The following IARS1 variants were observed in gnomAD, a reference collection of about 807,000 sequenced individuals.
IARS1 encodes isoleucyl-tRNA synthetase 1.
A neutral mutation model predicts 168.2 loss-of-function variants in IARS1; 124 were observed. That is an observed-to-expected ratio of 0.74 (90% CI 0.64 to 0.86). The LOEUF (loss-of-function observed/expected upper bound fraction) is 0.86, where lower values mean the gene tolerates loss of function less well. IARS1 is among the 40% of genes least tolerant of loss of function. IARS1 has a pLI of 0.00. For synonymous variants in IARS1, 532 were observed against 529.4 expected (o/e 1.00, Z -0.07); for missense variants, 1,452 against 1,515.8 (o/e 0.96, Z 0.70).
rs117751084 is a variant in IARS1, at chr9:92,282,912, T to C, written c.598-2019A>G. ...CTCTGTCACCCAGGCTGGAGTGCAG[T>C]AGCACACTTTCGGCTCACTGCAACC... On this transcript the variant is annotated intron_variant, in intron 6 of 33. Transcript: ENST00000443024. 4.7e-3 allele frequency among the ~76,000 whole-genome samples: 713 copies of C among 150,966 alleles called. 34 individuals are homozygous for C. In the South Asian group the frequency reaches 0.1, roughly 22 times the overall value.
At chr9:92,221,693 A>C (rs1466262041) in intron 33 of IARS1, among the ~76,000 whole-genome samples, 9 of 152,220 alleles carry the variant, frequency 5.9e-5, no homozygotes, top group Admixed American at 5.9e-4. Flanking sequence ...CCAGCAAGTA[A>C]GTGCAGGTCG....
chr9:92,251,365 C>G (rs1316946579), intron 22 of IARS1, among the ~76,000 whole-genome samples: 1 of 152,230 alleles, frequency 6.6e-6, no homozygotes, highest in Non-Finnish European at 1.5e-5. Context: ...AATATCTGAA[C>G]TGATAAGAAC....
At chr9:92,247,662 T>C in intron 25 of IARS1, 111 bp from the exon 26 acceptor site, 2 of 864,412 alleles carry the variant, frequency 2.3e-6, no homozygotes, top group South Asian at 3.4e-5. Flanking sequence ...CAAGAACACT[T>C]CAAGTGTCCA....
At chr9:92,287,938 A>C in intron 3 of IARS1, 28 bp from the exon 4 acceptor site, 1 of 1,611,778 alleles carries the variant, frequency 6.2e-7, no homozygotes, top group Non-Finnish European at 8.5e-7. Flanking sequence ...GACTGTTACC[A>C]CGCTGCCCTA....
At position 92,286,540 on chromosome 9, in the gene IARS1, C is replaced by G. The variant is rs750371789; in HGVS notation, c.475G>C (p.Val159Leu). ...TACAATTTTAAATAAACCTACCAGA[C>G]TGATTCCATGAATTGTGGATACAGA... ...KTLYPQFMES[V>L]WWVFKQLYDK... Residue 159 changes from valine to leucine, a missense_variant, in exon 5 of 34, where the codon GTC (valine) becomes CTC (leucine). Coordinates refer to ENST00000443024, the MANE Select transcript of IARS1 (RefSeq NM_002161.6). 11 of 1,552,188 alleles carry G rather than the reference C, an allele frequency of 7.1e-6. No individual in the cohort carries two copies. The highest frequency in any genetic ancestry group is 1.4e-5 in the African/African-American group (1 of 73,762).
intron 14 of IARS1, among the ~76,000 whole-genome samples, chr9:92,265,802 C>T (rs573360232): frequency 6.6e-5 from 10 of 152,144 alleles, no homozygotes; most frequent in African/African-American, 2.4e-4. Flanking sequence ...GGGCTACAGG[C>T]AGGCACCACC....
intron 12 of IARS1, among the ~76,000 whole-genome samples, chr9:92,270,572 A>G (rs538961694): frequency 2.6e-4 from 40 of 152,074 alleles, no homozygotes; most frequent in Admixed American, 9.8e-4. Context: ...AGGTGGGAGG[A>G]TTATTTGAGC....
chr9:92,289,309 A>C lies in IARS1; in HGVS notation c.111T>G (p.His37Gln). The C allele has an allele frequency of 7.1e-7, 1 of 1,411,316 alleles. No homozygotes were observed. The highest frequency in any genetic ancestry group is 1.0e-6 in the Non-Finnish European group (1 of 1,004,198). 87.4% of individuals were successfully genotyped at this position (1,411,316 alleles called of 1,614,324 possible). The change falls in exon 2 of 34, where the codon CAT becomes CAG. Residue 37 changes from histidine (H) to glutamine (Q), a missense_variant. Physicochemically the swap from His to Gln is conservative, Grantham distance 24. Coordinates refer to ENST00000443024, the MANE Select transcript of IARS1 (RefSeq NM_002161.6). Reference protein sequence around the residue: ...CFQECLKQSKHKPKFTFYDGP... With the variant: ...CFQECLKQSKQKPKFTFYDGP... ...CTAAAAAATTCACATACTTTGGTTT[A>C]TGTTTTGATTGCTTTAAGCATTCCT...
intron 6 of IARS1, among the ~76,000 whole-genome samples, chr9:92,284,377 G>C (rs78155973): frequency 0.06 from 9,063 of 152,254 alleles, 382 homozygotes; most frequent in Non-Finnish European, 0.09. Flanking sequence ...GTATGAATGA[G>C]GCAAGATTAG....
intron 14 of IARS1, among the ~76,000 whole-genome samples, chr9:92,267,966 T>G (rs1028468499): frequency 6.6e-6 from 1 of 152,202 alleles, no homozygotes; most frequent in African/African-American, 2.4e-5. Context: ...GAAAGTTTTA[T>G]AAATTGTATT....
chr9:92,223,530 A>G (rs748983280), intron 31 of IARS1, 41 bp from the exon 32 acceptor site: 1 of 1,548,444 alleles, frequency 6.5e-7, no homozygotes, highest in Non-Finnish European at 8.8e-7. Context: ...TTAACGAACA[A>G]ATTCAAAACT....
rs572477586 is a variant in IARS1 at position 92,244,873 on chromosome 9, A to G, written c.2904+86T>C. ...TTTTACCCTGAGACAAGCTGTCAAC[A>G]TTATCAGGAAAGGCACAGGCAAATA... On this transcript the variant is annotated intron_variant, in intron 27 of 33. Coordinates refer to ENST00000443024, the MANE Select transcript of IARS1 (RefSeq NM_002161.6). The G allele has an allele frequency of 3.8e-6, 4 of 1,052,828 alleles. No individual in the cohort carries two copies. In the African/African-American group the frequency reaches 6.2e-5, roughly 16 times the overall value. The allele number at this position is 1,052,828 out of a possible 1,614,324, so 65.2% of individuals were successfully genotyped here.
intron 14 of IARS1, among the ~76,000 whole-genome samples, chr9:92,266,803 G>A (rs1832345903): frequency 6.6e-6 from 1 of 152,160 alleles, no homozygotes; most frequent in South Asian, 2.1e-4. Context: ...ATCATAAGTG[G>A]ATGTAGCCTG....
intron 14 of IARS1, among the ~76,000 whole-genome samples, chr9:92,266,122 C>G (rs1335179248): frequency 2.6e-5 from 4 of 152,206 alleles, no homozygotes; most frequent in African/African-American, 9.7e-5. Flanking sequence ...GAGTCCCTAC[C>G]TAGAGAGAAT....
In IARS1 at chr9:92,289,415, A is replaced by G; in HGVS notation, c.5T>C (p.Leu2Pro). ...ATTTATGTTTTCTGGAACTTGTTGAAGCATTTTGTTGCTGCAAAAGAAATC... is the reference window on the plus strand; with the variant it reads ...ATTTATGTTTTCTGGAACTTGTTGAGGCATTTTGTTGCTGCAAAAGAAATC... MLQQVPENINFP... is the reference protein window; with the variant it reads MPQQVPENINFP... The change falls in exon 2 of 34, where the codon CTT becomes CCT. Residue 2 changes from leucine to proline, a missense_variant. Transcript: ENST00000443024. The G allele has an allele frequency of 6.9e-7, 1 of 1,458,864 alleles. No individual in the cohort carries two copies. The highest frequency in any genetic ancestry group is 9.6e-7 in the Non-Finnish European group (1 of 1,041,686). The allele number at this position is 1,458,864 out of a possible 1,614,324, so 90.4% of individuals were successfully genotyped here.
intron 21 of IARS1, among the ~76,000 whole-genome samples, chr9:92,252,101 G>A (rs1193448064): frequency 1.3e-5 from 2 of 152,194 alleles, no homozygotes. Flanking sequence ...TGGCCAGGAT[G>A]TGCACCTGCT....
chr9:92,268,311 C>G lies in IARS1; in HGVS notation c.1305-11G>C. 8 of 1,605,664 alleles carry G rather than the reference C, an allele frequency of 5.0e-6. No individual in the cohort carries two copies. The highest frequency in any genetic ancestry group is 5.9e-6 in the Non-Finnish European group (7 of 1,178,036). On this transcript the variant is annotated splice_polypyrimidine_tract_variant and intron_variant, in intron 13 of 33. Transcript: ENST00000443024. ...ACCAACTCTGGGACCCTGCAATAAA[C>G]AGATCACATAACCAATCACATAAAA...
intron 33 of IARS1, among the ~76,000 whole-genome samples, chr9:92,213,982 T>C (rs899921403): frequency 1.3e-5 from 2 of 152,028 alleles, no homozygotes; most frequent in African/African-American, 4.8e-5. Flanking sequence ...CAGCTAATTT[T>C]AGTAGAGATG....
At chr9:92,273,928 G>C (rs1833445106) in intron 10 of IARS1, among the ~76,000 whole-genome samples, 1 of 152,228 alleles carries the variant, frequency 6.6e-6, no homozygotes, top group Non-Finnish European at 1.5e-5. Flanking sequence ...TAGTGGCAGT[G>C]CCATGATTTA....
Sources: gnomAD v4.1 joint callset for allele counts (sites outside exome capture counted in the v4.1 genomes callset) on GRCh38, gnomAD v4.1.1 for gene constraint, MANE v1.5 for transcripts, NCBI Gene and HGNC (gene_info 2026-07-23, HGNC 2026-07-21) for gene names.